Variants in CCDC171 observed in about 807,000 individuals in gnomAD.
The protein encoded by CCDC171 is coiled-coil domain containing 171.
CCDC171 carries 177 observed loss-of-function variants against 168.2 expected under a neutral mutation model. The observed-to-expected ratio is 1.05, with a 90% CI of 0.93 to 1.19. The LOEUF is 1.19. CCDC171 is among the 50% of genes most tolerant of loss of function. The pLI is 0.00. For synonymous variants in CCDC171, 687 were observed against 540.8 expected (o/e 1.27, Z -3.75); for missense variants, 1,991 against 1,539.0 (o/e 1.29, Z -4.91).
intron 7 of CCDC171, among the ~76,000 whole-genome samples, chr9:15,646,213 C>T (rs2047022734): frequency 6.6e-6 from 1 of 152,114 alleles, no homozygotes; most frequent in South Asian, 2.1e-4. Context: ...ATTTTGTCAC[C>T]ACCAGGCCTG....
intron 7 of CCDC171, among the ~76,000 whole-genome samples, chr9:15,641,063 A>T (rs906921290): frequency 1.3e-5 from 2 of 152,168 alleles, no homozygotes; most frequent in Admixed American, 6.6e-5. Context: ...GTCTATGATG[A>T]TTCAGTCCCT....
At chr9:15,634,891 C>T (rs959731298) in intron 7 of CCDC171, among the ~76,000 whole-genome samples, 6 of 152,140 alleles carry the variant, frequency 3.9e-5, no homozygotes, top group African/African-American at 1.4e-4. Flanking sequence ...AGTGGAACTA[C>T]AATATATGGT....
At chr9:15,970,186 T>C (rs759985840) in intron 25 of CCDC171, among the ~76,000 whole-genome samples, 1 of 152,174 alleles carries the variant, frequency 6.6e-6, no homozygotes, top group Non-Finnish European at 1.5e-5. Flanking sequence ...GATGCAGATA[T>C]TGATTTTTTC....
At chr9:15,806,460 C>T (rs2059082496) in intron 21 of CCDC171, among the ~76,000 whole-genome samples, 1 of 152,122 alleles carries the variant, frequency 6.6e-6, no homozygotes. Context: ...ATTTGCTTGT[C>T]TGAAAAGAAT....
intron 23 of CCDC171, among the ~76,000 whole-genome samples, chr9:15,854,983 C>T (rs889393486): frequency 1.3e-5 from 2 of 151,536 alleles, no homozygotes; most frequent in Non-Finnish European, 3.0e-5. Context: ...TGTTAAAGTT[C>T]GTTGTATGCT....
intron 3 of CCDC171, among the ~76,000 whole-genome samples, chr9:15,981,189 A>T (rs571644756): frequency 7.9e-5 from 12 of 152,080 alleles, no homozygotes; most frequent in Non-Finnish European, 8.8e-5. Flanking sequence ...CCTAACCCCC[A>T]ATGTGATAAT....
intron 25 of CCDC171, among the ~76,000 whole-genome samples, chr9:15,971,337 T>C (rs1589282515): frequency 6.6e-6 from 1 of 152,282 alleles, no homozygotes; most frequent in East Asian, 1.9e-4. Flanking sequence ...CTCTCTGATA[T>C]AATAACTTTA....
At chr9:15,676,933 C>A (rs1277319037) in intron 9 of CCDC171, among the ~76,000 whole-genome samples, 1 of 152,086 alleles carries the variant, frequency 6.6e-6, no homozygotes, top group African/African-American at 2.4e-5. Context: ...ACTTATGTTA[C>A]ATTATTATAC....
intron 24 of CCDC171, among the ~76,000 whole-genome samples, chr9:15,879,902 G>A (rs1162921840): frequency 6.6e-6 from 1 of 152,064 alleles, no homozygotes; most frequent in Non-Finnish European, 1.5e-5. Context: ...AATTGCCCCT[G>A]AAAAAGATAA....
At chr9:15,898,486 C>T (rs957616507) in intron 24 of CCDC171, among the ~76,000 whole-genome samples, 3 of 152,116 alleles carry the variant, frequency 2.0e-5, no homozygotes, top group Non-Finnish European at 4.4e-5. Context: ...AATGCTAGGT[C>T]GTTTTATTCA....
At chr9:16,040,273 T>A (rs547748598), upstream of CCDC171, among the ~76,000 whole-genome samples, 1 of 152,150 alleles carries the variant, frequency 6.6e-6, no homozygotes, top group African/African-American at 2.4e-5. Context: ...TTCCTTATCT[T>A]GATCCCCCCA....
chr9:15,917,670 T>C (rs1824708486), intron 24 of CCDC171, among the ~76,000 whole-genome samples: 1 of 151,738 alleles, frequency 6.6e-6, no homozygotes, highest in African/African-American at 2.4e-5. Context: ...TTTTAGAATG[T>C]CATAAAGATG....
intron 21 of CCDC171, among the ~76,000 whole-genome samples, chr9:15,799,883 T>C (rs1220264454): frequency 1.3e-5 from 2 of 152,158 alleles, no homozygotes; most frequent in African/African-American, 4.8e-5. Flanking sequence ...TGTTTGCCTT[T>C]CTGTACCTGG....
intron 4 of CCDC171, among the ~76,000 whole-genome samples, chr9:15,585,221 G>A (rs941331593): frequency 3.9e-5 from 6 of 152,044 alleles, no homozygotes; most frequent in African/African-American, 1.4e-4. Flanking sequence ...TATCTTATGA[G>A]CCAGTGGTTT....
At chr9:15,949,247 C>G (rs1019524385) in intron 25 of CCDC171, among the ~76,000 whole-genome samples, 3 of 152,118 alleles carry the variant, frequency 2.0e-5, no homozygotes, top group African/African-American at 7.2e-5. Flanking sequence ...AGTTTGAAGT[C>G]AGGTAGCATG....
At chr9:16,098,186 G>GC in the CCDC171 span, among the ~76,000 whole-genome samples, 4 of 152,174 alleles carry the variant, frequency 2.6e-5, no homozygotes, top group African/African-American at 9.7e-5. Flanking sequence ...TAACATCGCT[G>GC]AGCCTTTTTT....
chr9:15,899,622 A>G (rs551097577), intron 24 of CCDC171, among the ~76,000 whole-genome samples: 2 of 152,046 alleles, frequency 1.3e-5, no homozygotes. Context: ...CCTGTTTGCT[A>G]TTTGTATATT....
At chr9:15,955,729 C>T (rs1399686603) in intron 25 of CCDC171, among the ~76,000 whole-genome samples, 1 of 152,150 alleles carries the variant, frequency 6.6e-6, no homozygotes, top group African/African-American at 2.4e-5. Context: ...GTGCTTACTA[C>T]TCTGCCATCT....
At chr9:16,003,637 C>T (rs1832617389) in intron 3 of CCDC171, among the ~76,000 whole-genome samples, 2 of 152,128 alleles carry the variant, frequency 1.3e-5, no homozygotes, top group Admixed American at 1.3e-4. Context: ...GAACTAAATA[C>T]TCTGGTTGGG....
Sources: gnomAD v4.1 joint callset for allele counts (sites outside exome capture counted in the v4.1 genomes callset) on GRCh38, gnomAD v4.1.1 for gene constraint, MANE v1.5 for transcripts, NCBI Gene and HGNC (gene_info 2026-07-23, HGNC 2026-07-21) for gene names.